LGSN: variants seen among roughly 807,000 people sequenced by gnomAD.
LGSN encodes lengsin.
In LGSN, 21 loss-of-function variants were observed where a neutral mutation model predicts 19.5. The observed-to-expected ratio is 1.07, with a 90% CI of 0.76 to 1.55. LGSN has a LOEUF of 1.55. LGSN is among the 40% of genes most tolerant of loss of function. The pLI is 0.00. For missense variants in LGSN, 673 were observed against 608.5 expected (o/e 1.11, Z -1.12); for synonymous variants, 257 against 215.6 (o/e 1.19, Z -1.68).
the LGSN span, among the ~76,000 whole-genome samples, chr6:63,502,787 A>C: frequency 1.0e-3 from 155 of 152,326 alleles, 1 homozygote; most frequent in African/African-American, 3.4e-3. Context: ...ATTCAAGTCA[A>C]ATCAAGTTTC....
chr6:63,347,353 T>C, the LGSN span, among the ~76,000 whole-genome samples: 1 of 152,346 alleles, frequency 6.6e-6, no homozygotes, highest in Middle Eastern at 3.4e-3. Flanking sequence ...TGAATTTGCA[T>C]TAACTAAATA....
the LGSN span, among the ~76,000 whole-genome samples, chr6:63,506,709 A>C: frequency 3.9e-5 from 6 of 152,252 alleles, no homozygotes; most frequent in Non-Finnish European, 7.3e-5. Context: ...GTTATCAAAA[A>C]TAATTTGAAC....
At chr6:63,329,766 C>T in the LGSN span, among the ~76,000 whole-genome samples, 1 of 152,154 alleles carries the variant, frequency 6.6e-6, no homozygotes, top group Non-Finnish European at 1.5e-5. Flanking sequence ...CCAGCCTTGG[C>T]TAATATATCC....
the LGSN span, among the ~76,000 whole-genome samples, chr6:63,360,040 T>A: frequency 6.6e-6 from 1 of 152,214 alleles, no homozygotes; most frequent in South Asian, 2.1e-4. Flanking sequence ...CAGCTGTTAG[T>A]CTGACGGGCT....
the LGSN span, among the ~76,000 whole-genome samples, chr6:63,427,069 A>G: frequency 6.8e-6 from 1 of 146,714 alleles, no homozygotes; most frequent in Non-Finnish European, 1.5e-5. Context: ...TTCTCCTGAG[A>G]CAGAGTTTCT....
At chr6:63,354,354 C>T in the LGSN span, among the ~76,000 whole-genome samples, 495 of 152,022 alleles carry the variant, frequency 3.3e-3, 5 homozygotes, top group African/African-American at 0.011. Context: ...ATTTCTTGGA[C>T]GAAGACACAC....
At chr6:63,505,633 G>GAAATAAATAAATAAATAAATAAAT in the LGSN span, among the ~76,000 whole-genome samples, 1 of 97,200 alleles carries the variant, frequency 1.0e-5, no homozygotes, top group African/African-American at 4.1e-5. Flanking sequence ...AAGAAAGAAA[G>GAAATAAATAAATAAATAAATAAAT]AAATTCTGGC....
At chr6:63,321,927 A>T (rs1438537169), upstream of LGSN, among the ~76,000 whole-genome samples, 1 of 152,208 alleles carries the variant, frequency 6.6e-6, no homozygotes, top group Non-Finnish European at 1.5e-5. Context: ...GAGACAACAT[A>T]TGGAAAGACC....
At chr6:63,467,823 C>T in the LGSN span, among the ~76,000 whole-genome samples, 3 of 152,166 alleles carry the variant, frequency 2.0e-5, no homozygotes, top group Admixed American at 6.6e-5. Context: ...CCCTGAGTAG[C>T]TGGGATTACA....
chr6:63,456,144 C>T, the LGSN span, among the ~76,000 whole-genome samples: 4 of 151,448 alleles, frequency 2.6e-5, no homozygotes, highest in African/African-American at 9.7e-5. Context: ...GCAGGAGAAT[C>T]CCTTGAATCC....
At chr6:63,451,201 T>C in the LGSN span, among the ~76,000 whole-genome samples, 2 of 152,190 alleles carry the variant, frequency 1.3e-5, no homozygotes, top group South Asian at 4.1e-4. Context: ...GATCTAAAAA[T>C]AGAAATACCA....
the LGSN span, among the ~76,000 whole-genome samples, chr6:63,387,041 C>T: frequency 2.6e-5 from 4 of 151,984 alleles, no homozygotes; most frequent in Admixed American, 6.6e-5. Flanking sequence ...GTGGAGGTTG[C>T]AGTGAGCTGA....
chr6:63,377,913 C>CAAAAAAAA, the LGSN span, among the ~76,000 whole-genome samples: 4 of 54,324 alleles, frequency 7.4e-5, no homozygotes, highest in East Asian at 3.8e-4. Context: ...GACTCCATCT[C>CAAAAAAAA]AAAAAAAAAA....
the LGSN span, among the ~76,000 whole-genome samples, chr6:63,420,272 C>T: frequency 6.6e-6 from 1 of 152,192 alleles, no homozygotes; most frequent in South Asian, 2.1e-4. Context: ...CCCCCGGCCC[C>T]CTGGGCCCAT....
At chr6:63,291,644 G>T (rs186804956) in intron 2 of LGSN, among the ~76,000 whole-genome samples, 2 of 152,236 alleles carry the variant, frequency 1.3e-5, no homozygotes, top group Admixed American at 1.3e-4. Context: ...GCAACATTTT[G>T]GAACAAAAAC....
At chr6:63,294,575 G>A (rs1767903096) in intron 2 of LGSN, among the ~76,000 whole-genome samples, 1 of 151,730 alleles carries the variant, frequency 6.6e-6, no homozygotes, top group Non-Finnish European at 1.5e-5. Context: ...CCTTTCTTAT[G>A]GCCCCTCAAA....
chr6:63,429,938 AGG>A, the LGSN span, among the ~76,000 whole-genome samples: 21 of 152,156 alleles, frequency 1.4e-4, no homozygotes, highest in African/African-American at 5.1e-4. Flanking sequence ...ACGGAAGGAA[AGG>A]AGGAATAAAG....
chr6:63,458,822 C>T, the LGSN span, among the ~76,000 whole-genome samples: 1 of 152,220 alleles, frequency 6.6e-6, no homozygotes, highest in African/African-American at 2.4e-5. Flanking sequence ...CAAATATTTA[C>T]ACATACCTTC....
chr6:63,520,186 A>C, the LGSN span, among the ~76,000 whole-genome samples: 2 of 152,178 alleles, frequency 1.3e-5, no homozygotes, highest in Non-Finnish European at 1.5e-5. Flanking sequence ...TTTTAACTTC[A>C]GTCTTCATTG....
Sources: allele counts gnomAD v4.1 joint callset (sites outside exome capture counted in the v4.1 genomes callset), GRCh38; gene constraint gnomAD v4.1.1; transcripts MANE v1.5; gene names NCBI Gene and HGNC (gene_info 2026-07-23, HGNC 2026-07-21).